NFATC2: variants seen among roughly 807,000 people sequenced by gnomAD.
NFATC2 encodes the protein nuclear factor of activated T-cells, cytoplasmic 2.
In NFATC2, 22 loss-of-function variants were observed where a neutral mutation model predicts 87.3. That is an observed-to-expected ratio of 0.25 (90% CI 0.18 to 0.36). The LOEUF is 0.36. NFATC2 is among the 10% of genes least tolerant of loss of function. NFATC2 has a pLI of 1.00. For synonymous variants in NFATC2, 565 were observed against 542.2 expected (o/e 1.04, Z -0.58); for missense variants, 1,149 against 1,259.1 (o/e 0.91, Z 1.32).
intron 6 of NFATC2, among the ~76,000 whole-genome samples, chr20:51,441,443 C>T (rs1984322322): frequency 6.7e-6 from 1 of 149,920 alleles, no homozygotes; most frequent in South Asian, 2.1e-4. Flanking sequence ...TGGCCAGGTT[C>T]GGTGGCTCAT....
chr20:51,515,110 G>T (rs923796888), intron 3 of NFATC2, among the ~76,000 whole-genome samples: 2 of 152,192 alleles, frequency 1.3e-5, no homozygotes, highest in Non-Finnish European at 2.9e-5. Flanking sequence ...CGCTCAGAGT[G>T]CCAGGCTGTG....
intron 6 of NFATC2, among the ~76,000 whole-genome samples, chr20:51,446,734 G>A (rs779026133): frequency 1.8e-4 from 28 of 152,320 alleles, no homozygotes; most frequent in Non-Finnish European, 3.5e-4. Context: ...CTATCTCCAC[G>A]GCAGCTTCGG....
chr20:51,399,319 A>C (rs1283671752), intron 9 of NFATC2: 2 of 152,726 alleles, frequency 1.3e-5, no homozygotes, highest in African/African-American at 4.8e-5. Flanking sequence ...ATTGTAAATA[A>C]TACTCCTCTC....
chr20:51,449,071 G>A (rs2146405472), intron 6 of NFATC2, among the ~76,000 whole-genome samples: 1 of 152,242 alleles, frequency 6.6e-6, no homozygotes, highest in East Asian at 1.9e-4. Flanking sequence ...GGAGCTGGTG[G>A]TGCCGATGAC....
chr20:51,427,569 T>G (rs1982030172), intron 9 of NFATC2, among the ~76,000 whole-genome samples: 1 of 152,082 alleles, frequency 6.6e-6, no homozygotes, highest in Non-Finnish European at 1.5e-5. Context: ...CTCCCTATAG[T>G]CCATTTCGCA....
intron 9 of NFATC2, among the ~76,000 whole-genome samples, chr20:51,412,331 C>T (rs1600681880): frequency 6.6e-6 from 1 of 152,286 alleles, no homozygotes; most frequent in East Asian, 1.9e-4. Flanking sequence ...CTCTTAGATG[C>T]AGCCAAGCCG....
At chr20:51,410,209 C>CA (rs386393961) in intron 9 of NFATC2, among the ~76,000 whole-genome samples, 82,069 of 103,142 alleles carry the variant, frequency 0.8, 33,919 homozygotes, top group East Asian at 0.88. Context: ...GACTCTGTCT[C>CA]AAAAAAAAAA....
chr20:51,421,101 A>G (rs1482823761), intron 9 of NFATC2, among the ~76,000 whole-genome samples: 2 of 151,916 alleles, frequency 1.3e-5, no homozygotes, highest in Non-Finnish European at 2.9e-5. Flanking sequence ...AAAAAAACTA[A>G]TAACAACAAA....
At chr20:51,542,745 G>C, upstream of NFATC2, 3 of 791,768 alleles carry the variant, frequency 3.8e-6, no homozygotes, top group Non-Finnish European at 4.4e-6. Flanking sequence ...GCAGCCCGGG[G>C]AGGCGGGGGG....
intron 2 of NFATC2, among the ~76,000 whole-genome samples, chr20:51,517,459 G>A (rs1317061276): frequency 1.3e-5 from 2 of 151,870 alleles, no homozygotes; most frequent in Non-Finnish European, 2.9e-5. Flanking sequence ...AAGCAATGTG[G>A]TGCATGCCTA....
At chr20:51,558,557 T>C (rs186434448) in intron 1 of NFATC2, among the ~76,000 whole-genome samples, 1 of 152,224 alleles carries the variant, frequency 6.6e-6, no homozygotes, top group Non-Finnish European at 1.5e-5. Context: ...TTTGAATGGG[T>C]ACCTTCCGGA....
intron 3 of NFATC2, among the ~76,000 whole-genome samples, chr20:51,487,847 T>C (rs1418616079): frequency 6.6e-6 from 1 of 152,066 alleles, no homozygotes; most frequent in Non-Finnish European, 1.5e-5. Flanking sequence ...GATGTGTACC[T>C]TTCCACACTC....
chr20:51,425,585 G>C (rs576735070), intron 9 of NFATC2, among the ~76,000 whole-genome samples: 2 of 152,228 alleles, frequency 1.3e-5, no homozygotes, highest in South Asian at 4.1e-4. Context: ...CGGTGACCAG[G>C]CTCCGCGTGG....
chr20:51,499,581 G>A (rs769353533), intron 3 of NFATC2, among the ~76,000 whole-genome samples: 4 of 151,796 alleles, frequency 2.6e-5, no homozygotes, highest in Non-Finnish European at 4.4e-5. Flanking sequence ...GATGAAACCC[G>A]TCTCTACCAA....
upstream of NFATC2, among the ~76,000 whole-genome samples, chr20:51,546,563 C>G (rs930579014): frequency 1.6e-4 from 24 of 152,198 alleles, no homozygotes; most frequent in Non-Finnish European, 3.4e-4. Context: ...GACACCCTGG[C>G]CTCTGAGTTT....
At chr20:51,477,410 G>C (rs1391614264) in intron 3 of NFATC2, among the ~76,000 whole-genome samples, 2 of 151,556 alleles carry the variant, frequency 1.3e-5, no homozygotes, top group East Asian at 3.9e-4. Context: ...TCAAGATTGA[G>C]AAGGTGATCA....
At chr20:51,535,583 A>T (rs1171619666) in intron 1 of NFATC2, among the ~76,000 whole-genome samples, 1 of 152,044 alleles carries the variant, frequency 6.6e-6, no homozygotes, top group Non-Finnish European at 1.5e-5. Flanking sequence ...GCCCCTGCCA[A>T]CCCCCTGGTT....
chr20:51,396,970 T>C (rs1302484854), intron 10 of NFATC2, among the ~76,000 whole-genome samples: 2 of 152,100 alleles, frequency 1.3e-5, no homozygotes, highest in African/African-American at 2.4e-5. Flanking sequence ...TGGAGTGCAG[T>C]GGCGCCATCT....
Position 51,550,146 on chromosome 20 carries a change from C to A in NFATC2, c.70+12414G>T, listed in dbSNP as rs542240363. 1.1e-4 allele frequency among the ~76,000 whole-genome samples: 16 copies of A among 151,968 alleles called. No individual in the cohort carries two copies. The South Asian group carries it at 3.1e-3, about 30-fold the overall frequency. ...ATGGCCTGAGGCCAGGAGTTTGAGA[C>A]CAGCCTAGGCAACATAGTAAGATCC... On this transcript the variant is annotated intron_variant, in intron 1 of 10. Transcript: ENST00000414705.
Sources: gnomAD v4.1 joint callset for allele counts (sites outside exome capture counted in the v4.1 genomes callset) on GRCh38, gnomAD v4.1.1 for gene constraint, MANE v1.5 for transcripts, NCBI Gene and HGNC (gene_info 2026-07-23, HGNC 2026-07-21) for gene names.